The following CA10 variants were observed in gnomAD, a reference collection of about 807,000 sequenced individuals.
The protein encoded by CA10 is carbonic anhydrase 10 (inactive).
CA10 carries 14 observed loss-of-function variants against 44.2 expected under a neutral mutation model. The observed-to-expected ratio is 0.32, with a 90% CI of 0.21 to 0.50. CA10 has a LOEUF of 0.50. Among genes scored for constraint, CA10 ranks in the 20% least tolerant of loss-of-function variants. CA10 has a pLI of 0.99. For missense variants in CA10, 350 were observed against 409.7 expected (o/e 0.85, Z 1.26); for synonymous variants, 159 against 141.6 (o/e 1.12, Z -0.87).
chr17:52,066,576 A>G (rs1452327937), intron 2 of CA10, among the ~76,000 whole-genome samples: 1 of 152,156 alleles, frequency 6.6e-6, no homozygotes, highest in Non-Finnish European at 1.5e-5. Flanking sequence ...GCCATGTAAG[A>G]CATGACTTTG....
chr17:51,731,653 TAAAAAAAA>T (rs371165542), intron 4 of CA10, among the ~76,000 whole-genome samples: 1 of 109,190 alleles, frequency 9.2e-6, no homozygotes, highest in Non-Finnish European at 1.8e-5. Context: ...AAGGGGCTGG[TAAAAAAAA>T]AAAAAAAAAA....
rs557128727 is a variant in CA10 at position 52,032,412 on chromosome 17, G to A, written c.136+39907C>T. On this transcript the variant is annotated intron_variant, in intron 2 of 8. Coordinates refer to ENST00000451037, the MANE Select transcript of CA10 (RefSeq NM_020178.5). The stretch of plus-strand genomic sequence containing the variant: ...TAAGGCTTTGTACCTCTTTTTGCAT[G>A]CTGGAAACACTCTGACTTAATCTAA... Among the ~76,000 whole-genome samples, 15 of 152,110 alleles carry A rather than the reference G, an allele frequency of 9.9e-5. 1 individual carries two copies. In the South Asian group the frequency reaches 3.1e-3, roughly 32 times the overall value.
chr17:52,157,352 C>T (rs867837323), intron 1 of CA10, among the ~76,000 whole-genome samples: 3 of 152,252 alleles, frequency 2.0e-5, no homozygotes, highest in Admixed American at 6.5e-5. Flanking sequence ...CCAGGAACCA[C>T]CGAGTCTGGG....
intron 2 of CA10, among the ~76,000 whole-genome samples, chr17:51,992,916 C>A (rs1985093864): frequency 6.6e-6 from 1 of 152,064 alleles, no homozygotes. Context: ...AAAAGGTGAA[C>A]TTGTCTTTAA....
chr17:52,045,866 T>C (rs747531165), intron 2 of CA10, among the ~76,000 whole-genome samples: 3 of 151,868 alleles, frequency 2.0e-5, no homozygotes, highest in Non-Finnish European at 2.9e-5. Flanking sequence ...ATAAAACAAG[T>C]CTTAAAAAGT....
chr17:52,003,484 G>A (rs78091173), intron 2 of CA10, among the ~76,000 whole-genome samples: 4,056 of 152,010 alleles, frequency 0.027, 179 homozygotes, highest in African/African-American at 0.092. Context: ...GCTCCAGCAT[G>A]GTCCCTGACT....
At chr17:51,810,660 G>T (rs56938221) in intron 3 of CA10, among the ~76,000 whole-genome samples, 7,073 of 152,162 alleles carry the variant, frequency 0.046, 549 homozygotes, top group African/African-American at 0.16. Flanking sequence ...TGGAGAGTTT[G>T]TAAGTGGAGA....
chr17:52,129,083 A>C (rs1392945648), intron 1 of CA10, among the ~76,000 whole-genome samples: 1 of 152,190 alleles, frequency 6.6e-6, no homozygotes, highest in Non-Finnish European at 1.5e-5. Flanking sequence ...CGTGTAAAGA[A>C]GACTAAGCCA....
At chr17:52,065,484 T>A (rs1987511492) in intron 2 of CA10, among the ~76,000 whole-genome samples, 1 of 152,164 alleles carries the variant, frequency 6.6e-6, no homozygotes, top group African/African-American at 2.4e-5. Flanking sequence ...GCCTGAGGTA[T>A]ATCCTCGAGG....
In CA10 at chr17:51,676,630, A is replaced by G. The variant is rs9903583; in HGVS notation, c.466-22894T>C. 6.4e-3 allele frequency among the ~76,000 whole-genome samples: 981 copies of G among 152,288 alleles called. 10 individuals are homozygous for G. The highest frequency in any genetic ancestry group is 0.022 in the African/African-American group (929 of 41,566). On this transcript the variant is annotated intron_variant, in intron 4 of 8. Transcript: ENST00000451037. ...TTGTTGCTCTTACATCAGAAACCCT[A>G]TTGGCTGCAAAGTGAGCGTCAGATA...
At chr17:52,010,616 G>A (rs1350691544) in intron 2 of CA10, among the ~76,000 whole-genome samples, 2 of 151,760 alleles carry the variant, frequency 1.3e-5, no homozygotes, top group Non-Finnish European at 2.9e-5. Flanking sequence ...TTTGGGGACT[G>A]GGGGAAAATG....
chr17:51,859,414 C>T (rs182997884), intron 3 of CA10, among the ~76,000 whole-genome samples: 4 of 152,236 alleles, frequency 2.6e-5, no homozygotes, highest in South Asian at 2.1e-4. Context: ...CCAGTGGCCA[C>T]GTTTGTTATC....
chr17:51,729,921 C>T (rs1916657713), intron 4 of CA10, among the ~76,000 whole-genome samples: 1 of 152,170 alleles, frequency 6.6e-6, no homozygotes, highest in Non-Finnish European at 1.5e-5. Context: ...ATAGAAAATG[C>T]ATCAGTGAGG....
intron 2 of CA10, among the ~76,000 whole-genome samples, chr17:51,973,397 C>A (rs1984351380): frequency 6.6e-6 from 1 of 152,160 alleles, no homozygotes; most frequent in Admixed American, 6.5e-5. Flanking sequence ...GGACGCTCTG[C>A]AGATAAGGAG....
intron 2 of CA10, among the ~76,000 whole-genome samples, chr17:52,037,108 T>C (rs1203696208): frequency 1.3e-5 from 2 of 151,842 alleles, no homozygotes; most frequent in African/African-American, 2.4e-5. Context: ...GATGATGAGG[T>C]CAATTTTGGA....
At chr17:51,652,058 C>T (rs1365002541) in intron 5 of CA10, among the ~76,000 whole-genome samples, 1 of 152,102 alleles carries the variant, frequency 6.6e-6, no homozygotes, top group African/African-American at 2.4e-5. Context: ...TCATGTACTC[C>T]CTTCTTGCCC....
chr17:51,719,795 G>T (rs189569914), intron 4 of CA10, among the ~76,000 whole-genome samples: 33 of 152,212 alleles, frequency 2.2e-4, no homozygotes, highest in Admixed American at 4.6e-4. Context: ...AAGTTGAGGT[G>T]GGGGGTGTAT....
At chr17:51,971,922 T>G (rs1984293637) in intron 2 of CA10, among the ~76,000 whole-genome samples, 1 of 152,052 alleles carries the variant, frequency 6.6e-6, no homozygotes. Context: ...TAATTATTCC[T>G]GTATTCTACC....
intron 1 of CA10, among the ~76,000 whole-genome samples, chr17:52,125,659 T>C (rs1989103762): frequency 6.6e-6 from 1 of 152,206 alleles, no homozygotes; most frequent in African/African-American, 2.4e-5. Context: ...AAGGTGTTTT[T>C]CCCATAACAG....
Sources: gnomAD v4.1 joint callset for allele counts (sites outside exome capture counted in the v4.1 genomes callset) on GRCh38, gnomAD v4.1.1 for gene constraint, MANE v1.5 for transcripts, NCBI Gene and HGNC (gene_info 2026-07-23, HGNC 2026-07-21) for gene names.